Variants in LANCL3 observed in about 807,000 individuals in gnomAD.
LANCL3 encodes lanC-like protein 3.
Under a neutral mutation model 26.5 loss-of-function variants are expected in LANCL3, and 19 were observed. The ratio of observed to expected loss-of-function variants is 0.72; its 90% CI spans 0.50 to 1.05. LANCL3 has a LOEUF of 1.05. Among genes scored for constraint, LANCL3 ranks in the 50% least tolerant of loss-of-function variants. The pLI, the probability that LANCL3 is intolerant of heterozygous loss-of-function variation, is 0.00. For missense variants in LANCL3, 318 were observed against 362.7 expected (o/e 0.88, Z 1.00); for synonymous variants, 160 against 166.6 (o/e 0.96, Z 0.30).
chrX:37,675,843 G>A lies in LANCL3; in HGVS notation c.*30G>A. 10 of 1,074,043 alleles carry A rather than the reference G, an allele frequency of 9.3e-6. No homozygotes were observed. Among genetic ancestry groups the A allele is most frequent in the Non-Finnish European group, 9.7e-6 (8 of 820,975 alleles). The allele number at this position is 1,074,043 out of a possible 1,213,427, so 88.5% of individuals were successfully genotyped here. A position where few individuals can be genotyped will look rare whatever the true frequency, so the allele number is the denominator to read the frequency against. ...CTCTATCTTCCACTGTGGCCCTGCA[G>A]AGATCCCCTGAGCCAAGCCGAGGCA... On this transcript the variant is annotated 3_prime_UTR_variant, in exon 5 of 5. Coordinates refer to ENST00000378619, the MANE Select transcript of LANCL3 (RefSeq NM_001170331.2).
chrX:37,593,189 A>G (rs1226312445), intron 1 of LANCL3, among the ~76,000 whole-genome samples: 1 of 111,511 alleles, frequency 9.0e-6, no homozygotes, highest in African/African-American at 3.3e-5. Context: ...CTGAGGCCCC[A>G]ATACCAGTGG....
intron 1 of LANCL3, among the ~76,000 whole-genome samples, chrX:37,601,475 C>T (rs1374163161): frequency 8.9e-6 from 1 of 111,785 alleles, no homozygotes; most frequent in Non-Finnish European, 1.9e-5. Context: ...GATCTGAGGG[C>T]AAATGCTAGA....
intron 1 of LANCL3, among the ~76,000 whole-genome samples, chrX:37,634,347 C>T (rs1925640612): frequency 8.9e-6 from 1 of 112,883 alleles, no homozygotes; most frequent in South Asian, 3.6e-4. Context: ...CGTCTGTTAC[C>T]CCTTTCTTTG....
chrX:37,644,532 C>T lies in LANCL3; in HGVS notation c.574-11156C>T, dbSNP rs959248511. On this transcript the variant is annotated intron_variant, in intron 1 of 4. Coordinates refer to ENST00000378619, the MANE Select transcript of LANCL3 (RefSeq NM_001170331.2). ...CTGTGGTTTCCTCATTAGCTTCCCA[C>T]AATGTGCATTGGTGCCTGTGTTGGA... Among the ~76,000 whole-genome samples the T allele has an allele frequency of 6.3e-5, 7 of 111,616 alleles. No individual in the cohort carries two copies. In the Admixed American group the frequency reaches 6.6e-4, roughly 11 times the overall value.
chrX:37,646,067 G>A (rs782243869), intron 1 of LANCL3, among the ~76,000 whole-genome samples: 4 of 112,097 alleles, frequency 3.6e-5, no homozygotes, highest in African/African-American at 1.3e-4. Context: ...CTCCATTCAC[G>A]TTACTCCTTT....
chrX:37,585,852 T>C (rs1481108105), intron 1 of LANCL3, among the ~76,000 whole-genome samples: 6 of 111,783 alleles, frequency 5.4e-5, no homozygotes, highest in Non-Finnish European at 1.1e-4. Context: ...ATGTTAGCTG[T>C]TTATTTTGCT....
rs1353591353 is a variant in LANCL3 at position 37,682,247 on chromosome X, C to T, written c.*6434C>T. 2.8e-5 allele frequency: 3 copies of T among 106,850 alleles called. No individual in the cohort carries two copies. Among genetic ancestry groups the T allele is most frequent in the East Asian group, 5.8e-4 (2 of 3,431 alleles). 8.8% of individuals were successfully genotyped at this position (106,850 alleles called of 1,213,427 possible). ...CCTCCCAAGTAGCTGGGACTACAGGCGCCCGCCACTACGCCCGGCTAATTT... is the reference window on the plus strand; with the variant it reads ...CCTCCCAAGTAGCTGGGACTACAGGTGCCCGCCACTACGCCCGGCTAATTT... On this transcript the variant is annotated 3_prime_UTR_variant, in exon 5 of 5. Coordinates refer to ENST00000378619, the MANE Select transcript of LANCL3 (RefSeq NM_001170331.2).
rs1363628616 is a variant in LANCL3, at chrX:37,683,270, C to T, written c.*7457C>T. 1 of 111,481 alleles carries T rather than the reference C, an allele frequency of 9.0e-6. No individual in the cohort carries two copies. Among genetic ancestry groups the T allele is most frequent in the Non-Finnish European group, 1.9e-5 (1 of 53,004 alleles). 9.2% of individuals were successfully genotyped at this position (111,481 alleles called of 1,213,427 possible). A position where few individuals can be genotyped will look rare whatever the true frequency, so the allele number is the denominator to read the frequency against. On this transcript the variant is annotated 3_prime_UTR_variant, in exon 5 of 5. Transcript: ENST00000378619. Reference sequence around the variant, plus strand: ...TTATGAGGAGGTACAAAGAAATACTCTGTCAATATAGTATAACTGCTTATT... The same window carrying T: ...TTATGAGGAGGTACAAAGAAATACTTTGTCAATATAGTATAACTGCTTATT...
chrX:37,632,124 A>C (rs1925537911), intron 1 of LANCL3, among the ~76,000 whole-genome samples: 1 of 111,395 alleles, frequency 9.0e-6, no homozygotes, highest in Non-Finnish European at 1.9e-5. Flanking sequence ...TTGCTTTATG[A>C]ATCTGGGTGC....
chrX:37,629,770 G>A (rs2146753154), intron 1 of LANCL3, among the ~76,000 whole-genome samples: 1 of 111,128 alleles, frequency 9.0e-6, no homozygotes, highest in South Asian at 3.9e-4. Flanking sequence ...GATATGTGGT[G>A]TTATTTCTGA....
At chrX:37,630,879 C>G (rs1342584471) in intron 1 of LANCL3, among the ~76,000 whole-genome samples, 1 of 110,786 alleles carries the variant, frequency 9.0e-6, no homozygotes, top group Non-Finnish European at 1.9e-5. Context: ...ATTTTTGCAT[C>G]AATGTTCATC....
At chrX:37,580,452 G>A (rs1203082268) in intron 1 of LANCL3, among the ~76,000 whole-genome samples, 4 of 111,608 alleles carry the variant, frequency 3.6e-5, no homozygotes, top group African/African-American at 1.3e-4. Flanking sequence ...TATTTATGGA[G>A]TATAATGTAA....
chrX:37,650,563 G>A (rs1926111186), intron 1 of LANCL3, among the ~76,000 whole-genome samples: 1 of 105,606 alleles, frequency 9.5e-6, no homozygotes, highest in Non-Finnish European at 1.9e-5. Context: ...AAAGGGCGGA[G>A]TATGGGGGTG....
chrX:37,630,142 G>A (rs1556423902), intron 1 of LANCL3, among the ~76,000 whole-genome samples: 3 of 110,763 alleles, frequency 2.7e-5, no homozygotes, highest in African/African-American at 9.8e-5. Context: ...GTGGTTTGTA[G>A]TTCTCCTTGA....
At chrX:37,655,153 T>C (rs782130780) in intron 1 of LANCL3, among the ~76,000 whole-genome samples, 3 of 112,686 alleles carry the variant, frequency 2.7e-5, no homozygotes, top group Non-Finnish European at 5.6e-5. Context: ...GTTGACACTA[T>C]TGGACTTTGG....
chrX:37,580,704 C>T (rs1300594364), intron 1 of LANCL3, among the ~76,000 whole-genome samples: 1 of 111,232 alleles, frequency 9.0e-6, no homozygotes. Context: ...CTTTCCCTCC[C>T]CATTTCCCCC....
At chrX:37,613,763 T>C (rs60902140) in intron 1 of LANCL3, among the ~76,000 whole-genome samples, 399 of 112,657 alleles carry the variant, frequency 3.5e-3, no homozygotes, top group African/African-American at 0.012. Flanking sequence ...GTATGTTTAG[T>C]CCATTCTACT....
chrX:37,681,177 G>C lies in LANCL3; in HGVS notation c.*5364G>C, dbSNP rs1185522907. The C allele has an allele frequency of 2.7e-5, 3 of 111,628 alleles. No homozygotes were observed. The highest frequency in any genetic ancestry group is 9.8e-5 in the African/African-American group (3 of 30,718). The allele number at this position is 111,628 out of a possible 1,213,427, so 9.2% of individuals were successfully genotyped here. The stretch of plus-strand genomic sequence containing the variant: ...CAAATTTTCTAGTAGCTACCAAAAA[G>C]GTAAAAGAAAAAGATGAAATTAATT... On this transcript the variant is annotated 3_prime_UTR_variant, in exon 5 of 5. Transcript: ENST00000378619.
Position 37,678,664 on chromosome X carries a change from G to T in LANCL3, c.*2851G>T, listed in dbSNP as rs1295032256. The T allele has an allele frequency of 9.0e-6, 1 of 111,459 alleles. No individual in the cohort carries two copies. The highest frequency in any genetic ancestry group is 2.8e-4 in the East Asian group (1 of 3,576). The allele number at this position is 111,459 out of a possible 1,213,427, so 9.2% of individuals were successfully genotyped here. Reference sequence around the variant, plus strand: ...ATACATTTTTATTTTGCCCAAGCCTGTTTCAGTCATCAGTTTGTAGTCTTT... The same window carrying T: ...ATACATTTTTATTTTGCCCAAGCCTTTTTCAGTCATCAGTTTGTAGTCTTT... On this transcript the variant is annotated 3_prime_UTR_variant, in exon 5 of 5. Transcript: ENST00000378619.
Sources: allele counts gnomAD v4.1 joint callset (sites outside exome capture counted in the v4.1 genomes callset), GRCh38; gene constraint gnomAD v4.1.1; transcripts MANE v1.5; gene names NCBI Gene and HGNC (gene_info 2026-07-23, HGNC 2026-07-21).